Variants in SBNO1 observed in about 807,000 individuals in gnomAD.
SBNO1 encodes the protein protein strawberry notch homolog 1.
SBNO1 carries 23 observed loss-of-function variants against 173.6 expected under a neutral mutation model. The observed-to-expected ratio is 0.13, with a 90% confidence interval of 0.10 to 0.19. The LOEUF is 0.19. Among genes scored for constraint, SBNO1 ranks in the 10% least tolerant of loss-of-function variants. SBNO1 has a pLI of 1.00. For missense variants in SBNO1, 1,238 were observed against 1,671.2 expected (o/e 0.74, Z 4.52); for synonymous variants, 632 against 571.5 (o/e 1.11, Z -1.51).
At chr12:123,321,884 C>T (rs1335123172) in intron 16 of SBNO1, 152 bp from the exon 17 acceptor site, 1 of 657,320 alleles carries the variant, frequency 1.5e-6, no homozygotes, top group Non-Finnish European at 2.6e-6. Flanking sequence ...CACAAACCAG[C>T]ACTAACCTTT....
Position 123,295,828 on chromosome 12 carries a change from G to A in SBNO1, c.*80C>T. Reference sequence around the variant, plus strand: ...AACTGAAAAAAATATATAATTCTTTGGAAACTGTCCCTGATTTTTATGCAA... The same window carrying A: ...AACTGAAAAAAATATATAATTCTTTAGAAACTGTCCCTGATTTTTATGCAA... On this transcript the variant is annotated 3_prime_UTR_variant, in exon 32 of 32. Coordinates refer to ENST00000602398, the MANE Select transcript of SBNO1 (RefSeq NM_001167856.3). 6.5e-7 allele frequency: 1 copy of A among 1,538,632 alleles called. No homozygotes were observed. The highest frequency in any genetic ancestry group is 8.8e-7 in the Non-Finnish European group (1 of 1,138,930).
intron 31 of SBNO1, among the ~76,000 whole-genome samples, chr12:123,296,418 A>C (rs933287822): frequency 6.6e-5 from 10 of 152,248 alleles, no homozygotes; most frequent in Non-Finnish European, 1.2e-4. Flanking sequence ...ATGCTAACCG[A>C]AACAGGTTAA....
chr12:123,344,423 T>G (rs1000349688), intron 4 of SBNO1, among the ~76,000 whole-genome samples: 2 of 152,210 alleles, frequency 1.3e-5, no homozygotes, highest in African/African-American at 4.8e-5. Flanking sequence ...CACAGTGGTA[T>G]GGACCCAAAC....
Position 123,345,278 on chromosome 12 carries a change from T to A in SBNO1, c.530A>T (p.Gln177Leu), listed in dbSNP as rs1872999300. Residue 177 changes from glutamine (Q) to leucine (L), a missense_variant, in exon 4 of 32, where the codon CAG (glutamine) becomes CTG (leucine). Gln to Leu is a moderately radical substitution (Grantham distance 113). Around this residue, in one of 14 missense-constraint regions of SBNO1, gnomAD observed 287 missense variants for 274.1 expected, o/e 1.05. Coordinates refer to ENST00000602398, the MANE Select transcript of SBNO1 (RefSeq NM_001167856.3). ...CTTACTAGCTGCTGTTGCTACTGGC[T>A]GAGCAATATTAGCAGGTGGCTTTAG... The part of the protein sequence containing the change: ...MKLKPPANIA[Q>L]PVATAATDVS... 1 of 1,613,694 alleles carries A rather than the reference T, an allele frequency of 6.2e-7. No homozygotes were observed. Among genetic ancestry groups the A allele is most frequent in the Non-Finnish European group, 8.5e-7 (1 of 1,179,692 alleles).
Position 123,295,830 on chromosome 12 carries a change from A to G in SBNO1, c.*78T>C. 1 of 1,545,850 alleles carries G rather than the reference A, an allele frequency of 6.5e-7. No individual in the cohort carries two copies. On this transcript the variant is annotated 3_prime_UTR_variant, in exon 32 of 32. Coordinates refer to ENST00000602398, the MANE Select transcript of SBNO1 (RefSeq NM_001167856.3). ...CTGAAAAAAATATATAATTCTTTGG[A>G]AACTGTCCCTGATTTTTATGCAAAT...
At position 123,292,944 on chromosome 12, in the gene SBNO1, G is replaced by A. The variant is rs2048533770; in HGVS notation, c.*2964C>T. 6.6e-6 allele frequency: 1 copy of A among 152,200 alleles called. No homozygotes were observed. Among genetic ancestry groups the A allele is most frequent in the Non-Finnish European group, 1.5e-5 (1 of 68,032 alleles). 9.4% of individuals were successfully genotyped at this position (152,200 alleles called of 1,614,324 possible). On this transcript the variant is annotated 3_prime_UTR_variant, in exon 32 of 32. Coordinates refer to ENST00000602398, the MANE Select transcript of SBNO1 (RefSeq NM_001167856.3). ...CCCAGTAACTACAGACAGAGACCTTGTGGTATGGAGGTTGCTAAATGAGGG... is the reference window on the plus strand; with the variant it reads ...CCCAGTAACTACAGACAGAGACCTTATGGTATGGAGGTTGCTAAATGAGGG...
intron 24 of SBNO1, among the ~76,000 whole-genome samples, chr12:123,311,831 G>C (rs574975391): frequency 6.6e-6 from 1 of 150,974 alleles, no homozygotes; most frequent in East Asian, 1.9e-4. Context: ...CGCCTCCCAG[G>C]CTCAAGGGAT....
intron 21 of SBNO1, among the ~76,000 whole-genome samples, chr12:123,316,567 T>A (rs1481032484): frequency 1.3e-5 from 2 of 152,078 alleles, no homozygotes; most frequent in African/African-American, 4.8e-5. Flanking sequence ...TCACCCAGGC[T>A]GGAGTGCAGT....
Position 123,295,617 on chromosome 12 carries a change from C to A in SBNO1, c.*291G>T. 1 of 318,788 alleles carries A rather than the reference C, an allele frequency of 3.1e-6. No individual in the cohort carries two copies. Among genetic ancestry groups the A allele is most frequent in the East Asian group, 5.5e-5 (1 of 18,020 alleles). 19.7% of individuals were successfully genotyped at this position (318,788 alleles called of 1,614,324 possible). On this transcript the variant is annotated 3_prime_UTR_variant, in exon 32 of 32. Transcript: ENST00000602398. ...TGTGGTCTGTAGCCTTTAACACACT[C>A]ACAAACAGACTGACACACACGCACA... is the stretch of plus-strand genomic sequence containing the variant.
chr12:123,350,517 A>C, intron 1 of SBNO1, 76 bp from the exon 2 acceptor site: 4 of 1,143,312 alleles, frequency 3.5e-6, no homozygotes, highest in Non-Finnish European at 5.3e-6. Flanking sequence ...AATATAAACA[A>C]TCCAACAATC....
rs1437484742 is a variant in SBNO1, at chr12:123,309,875, A to T, written c.3296-19T>A. ...TTATAATCTGTAATGACAAAAGATA[A>T]ACGTTTTCATGCAAATGATAATTAA... On this transcript the variant is annotated intron_variant, in intron 25 of 31. Transcript: ENST00000602398. The T allele has an allele frequency of 6.5e-7, 1 of 1,549,042 alleles. No homozygotes were observed. The highest frequency in any genetic ancestry group is 2.3e-5 in the East Asian group (1 of 44,416).
At chr12:123,314,170 A>T (rs532140206) in intron 23 of SBNO1, among the ~76,000 whole-genome samples, 11 of 151,940 alleles carry the variant, frequency 7.2e-5, no homozygotes, top group Admixed American at 2.0e-4. Flanking sequence ...GTATTTATTT[A>T]TTTTTTCTTT....
intron 7 of SBNO1, among the ~76,000 whole-genome samples, chr12:123,333,156 G>T (rs1052553845): frequency 1.3e-5 from 2 of 151,982 alleles, no homozygotes; most frequent in African/African-American, 2.4e-5. Flanking sequence ...GATTACAGGC[G>T]TGAGCCACCA....
At position 123,341,011 on chromosome 12, in the gene SBNO1, T is replaced by G. The variant is rs781492314; in HGVS notation, c.628A>C (p.Met210Leu). 4.4e-6 allele frequency: 7 copies of G among 1,599,100 alleles called. 1 individual carries two copies. The South Asian group carries it at 7.8e-5, about 18-fold the overall frequency. ...GARMWINDMK[M>L]RSFSPTMKVP... ...ACCATGGTTGGGGAAAAACTCCTCA[T>G]CTTCATGTCGTTTATCCACATTCTA... Residue 210 changes from methionine to leucine, a missense_variant, in exon 5 of 32, where the codon ATG becomes CTG. Met to Leu is a conservative substitution (Grantham distance 15). Around this residue, in one of 14 missense-constraint regions of SBNO1, gnomAD observed 287 missense variants for 274.1 expected, o/e 1.05. Coordinates refer to ENST00000602398, the MANE Select transcript of SBNO1 (RefSeq NM_001167856.3).
At chr12:123,350,251 TAAAAA>T (rs111390799) in intron 2 of SBNO1, 54 bp downstream of exon 2, 2 of 1,560,920 alleles carry the variant, frequency 1.3e-6, no homozygotes, top group Admixed American at 3.5e-5. Flanking sequence ...GAGACTATCT[TAAAAA>T]AAAATACTGT....
At chr12:123,303,543 G>T (rs1254261583) in intron 29 of SBNO1, among the ~76,000 whole-genome samples, 2 of 152,298 alleles carry the variant, frequency 1.3e-5, no homozygotes, top group East Asian at 3.9e-4. Flanking sequence ...CAGCTACTTG[G>T]GAAGCTGAGG....
rs988687398 is a variant in SBNO1, at chr12:123,294,878, TAAC to T, written c.*1027_*1029del. On this transcript the variant is annotated 3_prime_UTR_variant, in exon 32 of 32. Transcript: ENST00000602398. ...TATTCAAGTTACTGAGTAACAACAA[TAAC>T]AACAATAACAAAAGAACACACAGCA... 23 of 128,744 alleles carry T rather than the reference TAAC, an allele frequency of 1.8e-4. No homozygotes were observed. Among genetic ancestry groups the T allele is most frequent in the African/African-American group, 9.2e-4 (20 of 21,698 alleles). The allele number at this position is 128,744 out of a possible 1,614,324, so 8.0% of individuals were successfully genotyped here. A position where few individuals can be genotyped will look rare whatever the true frequency, so the allele number is the denominator to read the frequency against.
chr12:123,323,028 G>A (rs1280133202), intron 16 of SBNO1, among the ~76,000 whole-genome samples: 1 of 152,118 alleles, frequency 6.6e-6, no homozygotes, highest in Non-Finnish European at 1.5e-5. Flanking sequence ...GTGAAACTAG[G>A]AAAACTCTTT....
At chr12:123,304,026 G>T (rs2048855798) in intron 29 of SBNO1, among the ~76,000 whole-genome samples, 1 of 148,810 alleles carries the variant, frequency 6.7e-6, no homozygotes, top group Non-Finnish European at 1.5e-5. Flanking sequence ...CACTTCACAG[G>T]TTAAAGTGAT....
Sources: allele counts gnomAD v4.1 joint callset (sites outside exome capture counted in the v4.1 genomes callset), GRCh38; gene constraint gnomAD v4.1.1; regional missense constraint gnomAD v4.1.1; transcripts MANE v1.5; gene names NCBI Gene and HGNC (gene_info 2026-07-23, HGNC 2026-07-21).